PAPPA2: variants seen among roughly 807,000 people sequenced by gnomAD.
The protein encoded by PAPPA2 is pappalysin 2.
Under a neutral mutation model 176.4 loss-of-function variants are expected in PAPPA2, and 86 were observed. The ratio of observed to expected loss-of-function variants is 0.49; its 90% CI spans 0.41 to 0.58. The LOEUF (loss-of-function observed/expected upper bound fraction) is 0.58, where lower values mean the gene tolerates loss of function less well. Among genes scored for constraint, PAPPA2 ranks in the 20% least tolerant of loss-of-function variants. PAPPA2 has a pLI of 0.00. For missense variants in PAPPA2, 2,073 were observed against 2,256.9 expected, an observed-to-expected ratio of 0.92 and a Z score of 1.65; for synonymous variants, 809 against 852.2, an observed-to-expected ratio of 0.95 and a Z score of 0.88.
At chr1:176,729,321 T>A (rs2102859634) in intron 12 of PAPPA2, among the ~76,000 whole-genome samples, 1 of 152,226 alleles carries the variant, frequency 6.6e-6, no homozygotes, top group African/African-American at 2.4e-5. Context: ...TTTTTAACTC[T>A]CTTTTATATT....
intron 14 of PAPPA2, among the ~76,000 whole-genome samples, chr1:176,750,055 G>A (rs1031377674): frequency 3.9e-5 from 6 of 152,102 alleles, no homozygotes; most frequent in African/African-American, 1.4e-4. Flanking sequence ...AAGATACATT[G>A]TTTTTCAAGA....
intron 1 of PAPPA2, among the ~76,000 whole-genome samples, chr1:176,503,129 G>A (rs559745839): frequency 1.3e-5 from 2 of 152,102 alleles, no homozygotes; most frequent in Non-Finnish European, 2.9e-5. Context: ...GGAGACTCTA[G>A]GAGAGAATCA....
At chr1:176,674,678 A>G (rs919726543) in intron 4 of PAPPA2, among the ~76,000 whole-genome samples, 3 of 149,884 alleles carry the variant, frequency 2.0e-5, no homozygotes, top group Non-Finnish European at 4.4e-5. Context: ...GGACGTTTGG[A>G]CTGGTTCCAT....
intron 3 of PAPPA2, among the ~76,000 whole-genome samples, chr1:176,605,012 A>G (rs1372290530): frequency 6.6e-6 from 1 of 152,042 alleles, no homozygotes; most frequent in East Asian, 1.9e-4. Flanking sequence ...AACTGACAAT[A>G]CTCATGGAAG....
chr1:176,639,412 CT>C (rs1656936038), intron 3 of PAPPA2, among the ~76,000 whole-genome samples: 2 of 152,154 alleles, frequency 1.3e-5, no homozygotes, highest in South Asian at 4.1e-4. Flanking sequence ...AAAAGATTGC[CT>C]GGTATAGGAA....
chr1:176,684,489 C>A (rs1445916634), intron 4 of PAPPA2, among the ~76,000 whole-genome samples: 2 of 152,030 alleles, frequency 1.3e-5, no homozygotes, highest in Non-Finnish European at 2.9e-5. Flanking sequence ...ATGTGTCAGG[C>A]AAGAGCAGGA....
At chr1:176,763,612 T>C (rs12722772) in intron 14 of PAPPA2, among the ~76,000 whole-genome samples, 17,997 of 152,252 alleles carry the variant, frequency 0.12, 1,430 homozygotes, top group Non-Finnish European at 0.18. Context: ...AAGAGTCAGT[T>C]TTCCTCTTCA....
At chr1:176,805,008 A>G (rs959268068) in intron 21 of PAPPA2, among the ~76,000 whole-genome samples, 1 of 151,928 alleles carries the variant, frequency 6.6e-6, no homozygotes, top group African/African-American at 2.4e-5. Flanking sequence ...GTGAGTGTTC[A>G]CTCCATCCAT....
At chr1:176,706,682 A>G (rs1571205832) in intron 10 of PAPPA2, among the ~76,000 whole-genome samples, 1 of 152,318 alleles carries the variant, frequency 6.6e-6, no homozygotes, top group South Asian at 2.1e-4. Context: ...TCATTTATGC[A>G]GCTAGAAGTG....
intron 1 of PAPPA2, among the ~76,000 whole-genome samples, chr1:176,480,583 A>G (rs546856426): frequency 6.6e-6 from 1 of 152,216 alleles, no homozygotes; most frequent in East Asian, 1.9e-4. Context: ...TAGGCAGGGG[A>G]CATCATGAGC....
At chr1:176,637,472 A>C (rs1265793498) in intron 3 of PAPPA2, among the ~76,000 whole-genome samples, 1 of 152,160 alleles carries the variant, frequency 6.6e-6, no homozygotes, top group African/African-American at 2.4e-5. Flanking sequence ...CTCATCTATA[A>C]CAATGCACAT....
chr1:176,741,763 A>G (rs936985904), intron 14 of PAPPA2, among the ~76,000 whole-genome samples: 1 of 152,238 alleles, frequency 6.6e-6, no homozygotes, highest in Non-Finnish European at 1.5e-5. Flanking sequence ...CTGCAACTTT[A>G]AAGTCTTCTT....
intron 18 of PAPPA2, among the ~76,000 whole-genome samples, chr1:176,790,713 A>G (rs1665138343): frequency 6.6e-6 from 1 of 152,192 alleles, no homozygotes; most frequent in Admixed American, 6.5e-5. Context: ...AGGGAGGGCT[A>G]CCTACATTTC....
At chr1:176,731,661 G>GTGTACATATATGTGTATATACACATATA in intron 12 of PAPPA2, among the ~76,000 whole-genome samples, 1 of 149,788 alleles carries the variant, frequency 6.7e-6, no homozygotes, top group African/African-American at 2.5e-5. Flanking sequence ...ACATATGTGT[G>GTGTACATATATGTGTATATACACATATA]TGTGTACATA....
At chr1:176,633,750 AAAAC>A (rs375120346) in intron 3 of PAPPA2, among the ~76,000 whole-genome samples, 5,464 of 152,258 alleles carry the variant, frequency 0.036, 320 homozygotes, top group African/African-American at 0.13. Context: ...TTACAAGAAA[AAAAC>A]AAACAACCCC....
chr1:176,598,268 G>T (rs1219699986), intron 3 of PAPPA2, among the ~76,000 whole-genome samples: 2 of 150,222 alleles, frequency 1.3e-5, no homozygotes, highest in Admixed American at 1.3e-4. Flanking sequence ...TTTTTCACCT[G>T]TTTTTTTTTC....
At chr1:176,766,664 T>C (rs1200304989) in intron 15 of PAPPA2, among the ~76,000 whole-genome samples, 1 of 152,238 alleles carries the variant, frequency 6.6e-6, no homozygotes, top group African/African-American at 2.4e-5. Flanking sequence ...ATTATGAGCA[T>C]GATCATGTAT....
At chr1:176,495,870 C>T (rs999752397) in intron 1 of PAPPA2, among the ~76,000 whole-genome samples, 7 of 151,704 alleles carry the variant, frequency 4.6e-5, no homozygotes, top group African/African-American at 1.2e-4. Flanking sequence ...TGGGCTCTAG[C>T]GATCCTCCCG....
intron 2 of PAPPA2, among the ~76,000 whole-genome samples, chr1:176,559,872 A>G (rs962595880): frequency 6.6e-6 from 1 of 152,070 alleles, no homozygotes; most frequent in Non-Finnish European, 1.5e-5. Context: ...TCCTTAATCT[A>G]CCCAATTTAG....
Sources: allele counts gnomAD v4.1 joint callset (sites outside exome capture counted in the v4.1 genomes callset), GRCh38; gene constraint gnomAD v4.1.1; transcripts MANE v1.5; gene names NCBI Gene and HGNC (gene_info 2026-07-23, HGNC 2026-07-21).